The following LRP1B variants were observed in gnomAD, a reference collection of about 807,000 sequenced individuals.
The protein encoded by LRP1B is LDL receptor related protein 1B, also known as low-density lipoprotein receptor-related protein 1B.
Under a neutral mutation model 556.6 loss-of-function variants are expected in LRP1B, and 217 were observed. That is an observed-to-expected ratio of 0.39 (90% CI 0.35 to 0.44). The LOEUF is 0.44. LRP1B is among the 20% of genes least tolerant of loss of function. LRP1B has a pLI of 1.00. For missense variants in LRP1B, 5,053 were observed against 5,620.8 expected, an observed-to-expected ratio of 0.90 and a Z score of 3.23; for synonymous variants, 2,047 against 1,865.8, an observed-to-expected ratio of 1.10 and a Z score of -2.50.
intron 2 of LRP1B, among the ~76,000 whole-genome samples, chr2:141,533,908 A>G (rs1332811829): frequency 6.6e-6 from 1 of 152,162 alleles, no homozygotes; most frequent in Non-Finnish European, 1.5e-5. Flanking sequence ...AGAGCTTCAA[A>G]TGTATGTAAA....
intron 82 of LRP1B, 115 bp downstream of exon 82, chr2:140,321,848 G>A: frequency 4.1e-6 from 4 of 986,664 alleles, no homozygotes; most frequent in Non-Finnish European, 6.1e-6. Flanking sequence ...AAGAACCACT[G>A]CTATCAAGGT....
At chr2:140,827,200 A>G (rs141699548) in intron 31 of LRP1B, among the ~76,000 whole-genome samples, 313 of 152,274 alleles carry the variant, frequency 2.1e-3, no homozygotes, top group African/African-American at 7.1e-3. Context: ...CCTTCAATGA[A>G]AAGCTATAGA....
intron 2 of LRP1B, among the ~76,000 whole-genome samples, chr2:141,510,234 A>ACACCCC (rs767916859): frequency 3.4e-5 from 5 of 145,282 alleles, no homozygotes; most frequent in African/African-American, 1.3e-4. Context: ...ACACACACAC[A>ACACCCC]CCCCCCACAG....
intron 20 of LRP1B, among the ~76,000 whole-genome samples, chr2:140,926,688 A>G (rs889550277): frequency 2.6e-5 from 4 of 152,106 alleles, no homozygotes; most frequent in African/African-American, 9.7e-5. Flanking sequence ...AAAAATACCT[A>G]GGATTGGGTC....
At chr2:141,053,557 C>T (rs953822060) in intron 10 of LRP1B, among the ~76,000 whole-genome samples, 5 of 151,916 alleles carry the variant, frequency 3.3e-5, no homozygotes, top group Admixed American at 6.6e-5. Flanking sequence ...GTAGATGTTC[C>T]AGCTTTCAGC....
intron 3 of LRP1B, among the ~76,000 whole-genome samples, chr2:141,302,970 A>C (rs1455271406): frequency 6.6e-6 from 1 of 152,062 alleles, no homozygotes; most frequent in Non-Finnish European, 1.5e-5. Context: ...TATAATGAAT[A>C]CTAGCAATTA....
intron 7 of LRP1B, among the ~76,000 whole-genome samples, chr2:141,138,051 C>T (rs576319144): frequency 5.7e-4 from 86 of 151,906 alleles, no homozygotes; most frequent in Admixed American, 2.6e-3. Context: ...TAAAATTTAA[C>T]GAATTAAATC....
At chr2:142,124,497 A>G (rs143943181) in intron 1 of LRP1B, among the ~76,000 whole-genome samples, 76 of 151,986 alleles carry the variant, frequency 5.0e-4, no homozygotes, top group African/African-American at 1.8e-3. Flanking sequence ...TTATTGAGAG[A>G]AAATCTTTGA....
chr2:141,048,194 T>C (rs1055786083), intron 11 of LRP1B, among the ~76,000 whole-genome samples: 4 of 152,130 alleles, frequency 2.6e-5, no homozygotes, highest in Non-Finnish European at 4.4e-5. Flanking sequence ...TTCTAAAATA[T>C]TCAAGAAGTA....
At chr2:140,250,202 A>C (rs762010030) in intron 86 of LRP1B, among the ~76,000 whole-genome samples, 2 of 151,764 alleles carry the variant, frequency 1.3e-5, no homozygotes, top group Non-Finnish European at 2.9e-5. Context: ...TTCATGTTAA[A>C]ATTGCAGACG....
At chr2:140,595,098 A>C (rs879500377) in intron 43 of LRP1B, among the ~76,000 whole-genome samples, 7,394 of 50,556 alleles carry the variant, frequency 0.15, 444 homozygotes, top group African/African-American at 0.29. Context: ...ATATATATAT[A>C]TATATATATA....
intron 3 of LRP1B, among the ~76,000 whole-genome samples, chr2:141,434,691 T>C (rs1680689021): frequency 6.6e-6 from 1 of 152,184 alleles, no homozygotes; most frequent in African/African-American, 2.4e-5. Context: ...GGCTGAAAAC[T>C]GGACATTTTA....
chr2:141,167,877 T>C (rs1418149832), intron 7 of LRP1B, among the ~76,000 whole-genome samples: 4 of 152,008 alleles, frequency 2.6e-5, no homozygotes, highest in African/African-American at 9.7e-5. Context: ...ATTTACAATA[T>C]AGTCAATAAG....
At chr2:140,665,144 G>C (rs1209683442) in intron 41 of LRP1B, among the ~76,000 whole-genome samples, 2 of 152,124 alleles carry the variant, frequency 1.3e-5, no homozygotes, top group Non-Finnish European at 1.5e-5. Flanking sequence ...TTACTCCAAG[G>C]AAGGTCATGC....
chr2:142,115,095 C>T (rs905557282), intron 1 of LRP1B, among the ~76,000 whole-genome samples: 1 of 151,720 alleles, frequency 6.6e-6, no homozygotes, highest in Non-Finnish European at 1.5e-5. Context: ...AACAGTAAAA[C>T]ATATTAACGG....
intron 84 of LRP1B, among the ~76,000 whole-genome samples, chr2:140,290,997 A>G (rs1683346653): frequency 6.6e-6 from 1 of 152,030 alleles, no homozygotes; most frequent in South Asian, 2.1e-4. Context: ...GACTAATAGT[A>G]TTAATCTCAA....
chr2:141,593,850 A>T (rs1391006176), intron 2 of LRP1B, among the ~76,000 whole-genome samples: 1 of 151,994 alleles, frequency 6.6e-6, no homozygotes, highest in Non-Finnish European at 1.5e-5. Context: ...GCAGATAGGG[A>T]CGTGTCCCTA....
intron 31 of LRP1B, among the ~76,000 whole-genome samples, chr2:140,816,470 G>C (rs141320029): frequency 6.6e-6 from 1 of 151,958 alleles, no homozygotes; most frequent in Admixed American, 6.6e-5. Context: ...CAAGTATAGA[G>C]GAAGAGCAAT....
intron 35 of LRP1B, among the ~76,000 whole-genome samples, chr2:140,743,419 T>G (rs1331756063): frequency 6.6e-6 from 1 of 152,142 alleles, no homozygotes; most frequent in East Asian, 1.9e-4. Context: ...TACTCTAGAT[T>G]CAGAATTGCA....
Sources: gnomAD v4.1 joint callset for allele counts (sites outside exome capture counted in the v4.1 genomes callset) on GRCh38, gnomAD v4.1.1 for gene constraint, MANE v1.5 for transcripts, NCBI Gene and HGNC (gene_info 2026-07-23, HGNC 2026-07-21) for gene names.